The following NUP93 variants were observed in gnomAD, a reference collection of about 807,000 sequenced individuals.
NUP93 encodes the protein nucleoporin 93, also known as nuclear pore complex protein Nup93.
Under a neutral mutation model 107.8 loss-of-function variants are expected in NUP93, and 55 were observed. The ratio of observed to expected loss-of-function variants is 0.51; its 90% confidence interval spans 0.41 to 0.64. The LOEUF is 0.64. Among genes scored for constraint, NUP93 ranks in the 30% least tolerant of loss-of-function variants. The pLI is 0.00. For synonymous variants in NUP93, 390 were observed against 397.5 expected, an observed-to-expected ratio of 0.98 and a Z score of 0.22; for missense variants, 937 against 1,044.7, an observed-to-expected ratio of 0.90 and a Z score of 1.42.
chr16:56,802,390 A>C (rs954409636), intron 4 of NUP93, among the ~76,000 whole-genome samples: 9 of 148,018 alleles, frequency 6.1e-5, no homozygotes, highest in Non-Finnish European at 1.3e-4. Flanking sequence ...AGATGTGAGC[A>C]AGAAGCAAAG....
Position 56,749,272 on chromosome 16 carries a change from C to T in NUP93, c.179+846C>T, listed in dbSNP as rs147182442. Among the ~76,000 whole-genome samples the T allele has an allele frequency of 3.3e-3, 495 of 152,278 alleles. 1 individual carries two copies. Among genetic ancestry groups the T allele is most frequent in the Middle Eastern group, 6.8e-3 (2 of 294 alleles). On this transcript the variant is annotated intron_variant, in intron 2 of 21. Transcript: ENST00000308159. The stretch of plus-strand genomic sequence containing the variant: ...ACTGTGTGTTACAAGCTTGGCTAGA[C>T]GTGAGATTTTGCTTAATTTTCACAA...
At chr16:56,842,713 C>A in intron 21 of NUP93, 1 of 405,350 alleles carries the variant, frequency 2.5e-6, no homozygotes, top group Non-Finnish European at 4.8e-6. Context: ...CCACCACACC[C>A]AGCGGAGTTT....
chr16:56,780,917 T>C (rs1020121079), intron 3 of NUP93, among the ~76,000 whole-genome samples: 4 of 152,170 alleles, frequency 2.6e-5, no homozygotes, highest in African/African-American at 7.2e-5. Flanking sequence ...TCTGGTGCCT[T>C]GGTCTTAGCG....
chr16:56,831,679 G>A (rs1963788809), intron 10 of NUP93, 163 bp from the exon 11 acceptor site: 2 of 662,200 alleles, frequency 3.0e-6, no homozygotes, highest in South Asian at 2.0e-5. Flanking sequence ...TCAGGTTAAA[G>A]CGATGGTACC....
At position 56,808,151 on chromosome 16, in the gene NUP93, T is replaced by TAAA. The variant is rs1567398252; in HGVS notation, c.489+2520_489+2521insAAA. ...ATATAAATATATTTATATAACTATA[T>TAAA]ATAATATATAGTTATATAACTATAT... On this transcript the variant is annotated intron_variant, in intron 5 of 21. Transcript: ENST00000308159. Among the ~76,000 whole-genome samples, 287 of 112,682 alleles carry TAAA rather than the reference T, an allele frequency of 2.5e-3. 17 individuals are homozygous for TAAA. Among genetic ancestry groups the TAAA allele is most frequent in the South Asian group, 6.0e-3 (23 of 3,846 alleles). The allele number at this position is 112,682 out of a possible 152,430, so 73.9% of individuals were successfully genotyped here. A position where few individuals can be genotyped will look rare whatever the true frequency, so the allele number is the denominator to read the frequency against.
chr16:56,744,376 C>G (rs1342802424), intron 1 of NUP93, among the ~76,000 whole-genome samples: 2 of 152,064 alleles, frequency 1.3e-5, no homozygotes, highest in Non-Finnish European at 2.9e-5. Flanking sequence ...TAAAAATTGT[C>G]CTAAATTTAT....
Position 56,782,372 on chromosome 16 carries a change from A to T in NUP93, c.298-16104A>T, listed in dbSNP as rs537241680. 1.6e-3 allele frequency: 315 copies of T among 194,474 alleles called. 2 individuals are homozygous for T. Among genetic ancestry groups the T allele is most frequent in the African/African-American group, 6.9e-3 (293 of 42,336 alleles). 12.0% of individuals were successfully genotyped at this position (194,474 alleles called of 1,614,324 possible). ...AGTTAACTCATTTGATAGAAGAAGT[A>T]CTTGATTCTTCTGAGAATTGTTCAG... On this transcript the variant is annotated intron_variant, in intron 3 of 21. Coordinates refer to ENST00000308159, the MANE Select transcript of NUP93 (RefSeq NM_014669.5).
At chr16:56,804,347 A>G (rs1247309864) in intron 4 of NUP93, among the ~76,000 whole-genome samples, 3 of 152,226 alleles carry the variant, frequency 2.0e-5, no homozygotes, top group Admixed American at 1.3e-4. Context: ...AAAATGTGGT[A>G]TATTCATACA....
intron 3 of NUP93, among the ~76,000 whole-genome samples, chr16:56,780,900 T>G (rs1219162836): frequency 6.6e-6 from 1 of 152,184 alleles, no homozygotes; most frequent in Non-Finnish European, 1.5e-5. Context: ...CAGCCTGACT[T>G]TAATCATCTG....
intron 5 of NUP93, among the ~76,000 whole-genome samples, chr16:56,812,344 GT>G (rs1256451986): frequency 6.6e-6 from 1 of 150,534 alleles, no homozygotes; most frequent in African/African-American, 2.4e-5. Flanking sequence ...CTAGCAAGTT[GT>G]TTTTTTTTCT....
intron 5 of NUP93, among the ~76,000 whole-genome samples, chr16:56,814,379 G>A (rs1963376837): frequency 6.6e-6 from 1 of 151,982 alleles, no homozygotes. Flanking sequence ...TTGTAGAGAC[G>A]GGGTTTCGCC....
intron 1 of NUP93, among the ~76,000 whole-genome samples, chr16:56,736,334 AAAAT>A (rs540772589): frequency 3.9e-5 from 6 of 152,376 alleles, no homozygotes; most frequent in African/African-American, 9.6e-5. Context: ...TTCCATCTCA[AAAAT>A]AAATAAATAA....
chr16:56,730,788 GC>G (rs1485988103), intron 1 of NUP93, among the ~76,000 whole-genome samples: 6 of 152,230 alleles, frequency 3.9e-5, no homozygotes, highest in South Asian at 2.1e-4. Flanking sequence ...CCCTGCAGAG[GC>G]GATGCCCAAG....
chr16:56,804,561 A>G (rs1220607149), intron 4 of NUP93, among the ~76,000 whole-genome samples: 1 of 152,096 alleles, frequency 6.6e-6, no homozygotes, highest in Non-Finnish European at 1.5e-5. Flanking sequence ...GATGGTGGTG[A>G]TGATTGCACA....
At position 56,844,487 on chromosome 16, in the gene NUP93, CTT is replaced by C. The variant is rs767289646; in HGVS notation, c.2350-11_2350-10del. The C allele has an allele frequency of 7.0e-7, 1 of 1,421,376 alleles. No homozygotes were observed. The highest frequency in any genetic ancestry group is 1.6e-5 in the South Asian group (1 of 62,372). The allele number at this position is 1,421,376 out of a possible 1,614,324, so 88.0% of individuals were successfully genotyped here. A position where few individuals can be genotyped will look rare whatever the true frequency, so the allele number is the denominator to read the frequency against. ...TAACCGATTTCCTTCCCTTCCTTCC[CTT>C]CTCTCTCAGCAACTCCGAAGTCAAG... On this transcript the variant is annotated splice_polypyrimidine_tract_variant and intron_variant, in intron 21 of 21. Coordinates refer to ENST00000308159, the MANE Select transcript of NUP93 (RefSeq NM_014669.5).
At chr16:56,800,214 T>G (rs2144561428) in intron 4 of NUP93, among the ~76,000 whole-genome samples, 1 of 152,324 alleles carries the variant, frequency 6.6e-6, no homozygotes, top group African/African-American at 2.4e-5. Flanking sequence ...AAAATTTCAT[T>G]AATTATATTG....
At chr16:56,823,319 T>C (rs74966084) in intron 7 of NUP93, among the ~76,000 whole-genome samples, 5,406 of 152,292 alleles carry the variant, frequency 0.035, 127 homozygotes, top group East Asian at 0.075. Flanking sequence ...AGGACTGAAA[T>C]GCAGCTCTTT....
chr16:56,831,087 G>A (rs752461582), intron 10 of NUP93, among the ~76,000 whole-genome samples: 44 of 152,138 alleles, frequency 2.9e-4, no homozygotes, highest in Admixed American at 7.9e-4. Context: ...CACGTACTTC[G>A]TAGCTTAAAG....
At chr16:56,735,272 CAG>C (rs1961593309) in intron 1 of NUP93, among the ~76,000 whole-genome samples, 1 of 152,088 alleles carries the variant, frequency 6.6e-6, no homozygotes, top group African/African-American at 2.4e-5. Flanking sequence ...AGATGAGGCC[CAG>C]AGAGAGTAAT....
Sources: allele counts gnomAD v4.1 joint callset (sites outside exome capture counted in the v4.1 genomes callset), GRCh38; gene constraint gnomAD v4.1.1; transcripts MANE v1.5; gene names NCBI Gene and HGNC (gene_info 2026-07-23, HGNC 2026-07-21).